Variants in TMEM135 observed in about 807,000 individuals in gnomAD.
The protein encoded by TMEM135 is transmembrane protein 135.
In TMEM135, 30 loss-of-function variants were observed where a neutral mutation model predicts 60.3. The observed-to-expected ratio is 0.50, with a 90% CI of 0.37 to 0.68. The LOEUF is 0.68. TMEM135 is among the 30% of genes least tolerant of loss of function. The pLI, the probability that TMEM135 is intolerant of heterozygous loss-of-function variation, is 0.00. For synonymous variants in TMEM135, 190 were observed against 186.7 expected, an observed-to-expected ratio of 1.02 and a Z score of -0.14; for missense variants, 468 against 548.8, an observed-to-expected ratio of 0.85 and a Z score of 1.47.
chr11:87,067,918 C>T lies in TMEM135; in HGVS notation c.269+97C>T, dbSNP rs1180773180. On this transcript the variant is annotated intron_variant, in intron 2 of 14. Transcript: ENST00000305494. ...ATAAATGTTATGTGGGTTACTATCC[C>T]CGCCCCCCCTTTTTTTAATCTGTGA... 17 of 1,456,246 alleles carry T rather than the reference C, an allele frequency of 1.2e-5. No homozygotes were observed. In the East Asian group the frequency reaches 3.9e-4, roughly 34 times the overall value. 90.2% of individuals were successfully genotyped at this position (1,456,246 alleles called of 1,614,324 possible). A position where few individuals can be genotyped will look rare whatever the true frequency, so the allele number is the denominator to read the frequency against.
rs201366449 is a variant in TMEM135, at chr11:87,223,398, C to T, written c.463-13240C>T. On this transcript the variant is annotated intron_variant, in intron 5 of 14. Coordinates refer to ENST00000305494, the MANE Select transcript of TMEM135 (RefSeq NM_022918.4). ...TGTTAGCCAGGATGGTCTCCATCTC[C>T]TGACCTTGTGATCTGCCTGCCTTGG... 1.1e-3 allele frequency among the ~76,000 whole-genome samples: 174 copies of T among 152,110 alleles called. 2 individuals are homozygous for T. Among genetic ancestry groups the T allele is most frequent in the Admixed American group, 8.2e-3 (125 of 15,296 alleles).
At chr11:87,223,357 AGCCG>A (rs1334239524) in intron 5 of TMEM135, among the ~76,000 whole-genome samples, 1 of 151,154 alleles carries the variant, frequency 6.6e-6, no homozygotes, top group Admixed American at 6.6e-5. Flanking sequence ...TTTTTAATAG[AGCCG>A]GGGTTTCACC....
intron 6 of TMEM135, among the ~76,000 whole-genome samples, chr11:87,263,231 A>G (rs1043006136): frequency 6.6e-6 from 1 of 152,212 alleles, no homozygotes; most frequent in African/African-American, 2.4e-5. Context: ...AAAATAAGGA[A>G]ACTAAGATAA....
intron 4 of TMEM135, among the ~76,000 whole-genome samples, chr11:87,107,247 T>A (rs1565443767): frequency 6.6e-6 from 1 of 152,186 alleles, no homozygotes; most frequent in Non-Finnish European, 1.5e-5. Flanking sequence ...TTATATAATT[T>A]GTTGGCATAT....
intron 4 of TMEM135, among the ~76,000 whole-genome samples, chr11:87,125,784 G>A (rs1475351181): frequency 6.6e-6 from 1 of 152,084 alleles, no homozygotes; most frequent in Non-Finnish European, 1.5e-5. Flanking sequence ...TTAGAAGATG[G>A]GGGTCAGTTC....
chr11:87,175,528 C>T (rs928044695), intron 5 of TMEM135, among the ~76,000 whole-genome samples: 1 of 152,132 alleles, frequency 6.6e-6, no homozygotes, highest in Non-Finnish European at 1.5e-5. Context: ...CACTTATTTT[C>T]TTCATAATAG....
chr11:87,139,935 T>G (rs1445546988), intron 4 of TMEM135, among the ~76,000 whole-genome samples: 2 of 152,214 alleles, frequency 1.3e-5, no homozygotes, highest in Non-Finnish European at 2.9e-5. Flanking sequence ...AATCTTTTGA[T>G]CATTTCAATT....
intron 5 of TMEM135, among the ~76,000 whole-genome samples, chr11:87,226,528 G>GAT (rs1475389611): frequency 6.6e-6 from 1 of 152,116 alleles, no homozygotes; most frequent in Non-Finnish European, 1.5e-5. Flanking sequence ...TAACTTCCAG[G>GAT]ATATAGTTAA....
chr11:87,056,073 C>T (rs1001243862), intron 1 of TMEM135, among the ~76,000 whole-genome samples: 1 of 152,120 alleles, frequency 6.6e-6, no homozygotes, highest in Admixed American at 6.6e-5. Context: ...TGCTCTGCTA[C>T]AAGGGTTTGT....
intron 6 of TMEM135, among the ~76,000 whole-genome samples, chr11:87,254,472 T>C (rs1467787382): frequency 6.6e-6 from 1 of 152,176 alleles, no homozygotes; most frequent in Non-Finnish European, 1.5e-5. Flanking sequence ...TCATTTTAAA[T>C]TTGTCATGGA....
intron 4 of TMEM135, among the ~76,000 whole-genome samples, chr11:87,107,462 T>A (rs1024101260): frequency 6.9e-6 from 1 of 145,218 alleles, no homozygotes; most frequent in Non-Finnish European, 1.5e-5. Context: ...CTCCACCCTG[T>A]GTCCAAGTGT....
intron 1 of TMEM135, among the ~76,000 whole-genome samples, chr11:87,056,006 A>G (rs1181878387): frequency 6.6e-6 from 1 of 152,160 alleles, no homozygotes; most frequent in African/African-American, 2.4e-5. Flanking sequence ...ATGTTCCTCA[A>G]AGTCAGAAGG....
intron 4 of TMEM135, among the ~76,000 whole-genome samples, chr11:87,104,459 A>G (rs1223611905): frequency 6.6e-6 from 1 of 152,034 alleles, no homozygotes; most frequent in Non-Finnish European, 1.5e-5. Context: ...TGCTTTTTCT[A>G]TTTCTGTGAA....
intron 6 of TMEM135, among the ~76,000 whole-genome samples, chr11:87,277,741 C>T (rs1258446620): frequency 5.3e-5 from 8 of 151,850 alleles, no homozygotes; most frequent in Non-Finnish European, 1.0e-4. Flanking sequence ...AGGCTGGTCT[C>T]GAACTCCTAA....
intron 4 of TMEM135, among the ~76,000 whole-genome samples, chr11:87,113,747 A>G (rs1346646412): frequency 2.9e-5 from 4 of 138,772 alleles, no homozygotes; most frequent in Non-Finnish European, 6.3e-5. Flanking sequence ...GACTTTGGTC[A>G]CTAAGAAAGA....
chr11:87,195,139 C>G (rs1369324613), intron 5 of TMEM135, among the ~76,000 whole-genome samples: 2 of 152,090 alleles, frequency 1.3e-5, no homozygotes, highest in African/African-American at 4.8e-5. Context: ...CATGAGTATT[C>G]TTTGCAAGAC....
At position 87,319,293 on chromosome 11, in the gene TMEM135, T is replaced by C. The variant is rs1218370609; in HGVS notation, c.1177-17T>C. 6.2e-7 allele frequency: 1 copy of C among 1,603,058 alleles called. No homozygotes were observed. Among genetic ancestry groups the C allele is most frequent in the Non-Finnish European group, 8.5e-7 (1 of 1,170,180 alleles). On this transcript the variant is annotated splice_polypyrimidine_tract_variant and intron_variant, in intron 13 of 14. Coordinates refer to ENST00000305494, the MANE Select transcript of TMEM135 (RefSeq NM_022918.4). ...TCATTTATATTTACTAAAAGAATTCTCAAATTTAATACTCAGGCTGTCATG... is the reference window on the plus strand; with the variant it reads ...TCATTTATATTTACTAAAAGAATTCCCAAATTTAATACTCAGGCTGTCATG...
chr11:87,277,635 C>T (rs142626627), intron 6 of TMEM135, among the ~76,000 whole-genome samples: 3,774 of 151,866 alleles, frequency 0.025, 70 homozygotes, highest in Non-Finnish European at 0.036. Flanking sequence ...AATTCTCCTG[C>T]CTCAGCCTCC....
intron 5 of TMEM135, among the ~76,000 whole-genome samples, chr11:87,177,929 A>G (rs963730195): frequency 1.3e-5 from 2 of 152,154 alleles, no homozygotes; most frequent in Non-Finnish European, 2.9e-5. Flanking sequence ...ATATAGTTTT[A>G]TTATAAAGGG....
Sources: gnomAD v4.1 joint callset for allele counts (sites outside exome capture counted in the v4.1 genomes callset) on GRCh38, gnomAD v4.1.1 for gene constraint, MANE v1.5 for transcripts, NCBI Gene and HGNC (gene_info 2026-07-23, HGNC 2026-07-21) for gene names.